RSBN1: variants seen among roughly 807,000 people sequenced by gnomAD.
The protein encoded by RSBN1 is lysine-specific demethylase 9.
RSBN1 carries 23 observed loss-of-function variants against 74.8 expected under a neutral mutation model. That is an observed-to-expected ratio of 0.31 (90% confidence interval 0.22 to 0.44). The LOEUF (loss-of-function observed/expected upper bound fraction) is 0.44, where lower values mean the gene tolerates loss of function less well. RSBN1 is among the 20% of genes least tolerant of loss of function. The probability of loss-of-function intolerance (pLI) is 1.00; values close to 1 mark genes in which losing one functional copy is unlikely to be tolerated. For synonymous variants in RSBN1, 407 were observed against 379.6 expected, an observed-to-expected ratio of 1.07 and a Z score of -0.84; for missense variants, 808 against 1,020.9, an observed-to-expected ratio of 0.79 and a Z score of 2.84.
intron 1 of RSBN1, among the ~76,000 whole-genome samples, chr1:113,803,988 G>A (rs1660643646): frequency 1.3e-5 from 2 of 150,552 alleles, no homozygotes; most frequent in African/African-American, 2.4e-5. Flanking sequence ...GTGCATGCCT[G>A]TAGTCCTAGC....
At chr1:113,781,275 G>A (rs907568208) in intron 2 of RSBN1, among the ~76,000 whole-genome samples, 5 of 152,142 alleles carry the variant, frequency 3.3e-5, no homozygotes, top group Non-Finnish European at 5.9e-5. Context: ...TGTAGTACCT[G>A]TCTCTATTGC....
At chr1:113,786,427 G>C (rs1328069497) in intron 2 of RSBN1, among the ~76,000 whole-genome samples, 3 of 152,170 alleles carry the variant, frequency 2.0e-5, no homozygotes, top group African/African-American at 7.2e-5. Flanking sequence ...CCTGAGATGG[G>C]GAGAGTCTCC....
chr1:113,793,120 T>C (rs1660399828), intron 2 of RSBN1, among the ~76,000 whole-genome samples: 1 of 152,364 alleles, frequency 6.6e-6, no homozygotes, highest in Non-Finnish European at 1.5e-5. Context: ...AGCTGAGTTC[T>C]AAAGCTTCTC....
chr1:113,798,507 G>C (rs532473094), intron 1 of RSBN1, among the ~76,000 whole-genome samples: 2 of 152,266 alleles, frequency 1.3e-5, no homozygotes, highest in African/African-American at 4.8e-5. Flanking sequence ...CAAAGGCAAA[G>C]TAAGCCATGA....
chr1:113,793,134 G>C (rs954673153), intron 2 of RSBN1, among the ~76,000 whole-genome samples: 12 of 152,172 alleles, frequency 7.9e-5, no homozygotes, highest in African/African-American at 2.9e-4. Flanking sequence ...GCTTCTCAAA[G>C]TTTAATGTGC....
At chr1:113,798,161 G>C in intron 1 of RSBN1, 125 bp from the exon 2 acceptor site, 1 of 775,268 alleles carries the variant, frequency 1.3e-6, no homozygotes, top group Non-Finnish European at 2.1e-6. Context: ...TACAACTTAC[G>C]TGTTTAGAAA....
In RSBN1 at chr1:113,767,207, C is replaced by G. The variant is rs1325707654; in HGVS notation, c.1827G>C (p.Trp609Cys). 1.3e-6 allele frequency: 2 copies of G among 1,564,262 alleles called. No individual in the cohort carries two copies. The highest frequency in any genetic ancestry group is 4.5e-5 in the East Asian group (2 of 44,180). ...CTTTGGTTATGCGAGGTTGGTCACT[C>G]CTAAGATTAACAAAATTAAGTTTCA... ...GVLKAVQFGE[W>C]SDQPRITKDV... The change falls in exon 6 of 7, where the codon TGG (tryptophan) becomes TGC (cysteine). Residue 609 changes from tryptophan (W) to cysteine (C), a missense_variant and splice_region_variant. Physicochemically the swap from Trp to Cys is radical, Grantham distance 215 (BLOSUM62 -2). This residue lies in a region of RSBN1 where 18 missense variants were observed against 16.2 expected (regional missense o/e 1.11). Transcript: ENST00000261441.
At chr1:113,787,708 C>T (rs1421722235) in intron 2 of RSBN1, among the ~76,000 whole-genome samples, 1 of 152,214 alleles carries the variant, frequency 6.6e-6, no homozygotes, top group African/African-American at 2.4e-5. Context: ...TTCTAGCAGA[C>T]AGGTGTGTAA....
intron 2 of RSBN1, among the ~76,000 whole-genome samples, chr1:113,797,128 T>C (rs1359179923): frequency 6.6e-6 from 1 of 152,188 alleles, no homozygotes; most frequent in Non-Finnish European, 1.5e-5. Context: ...TAGTTTTCCA[T>C]AAAGATTTGT....
chr1:113,807,497 C>T (rs1287961433), intron 1 of RSBN1, among the ~76,000 whole-genome samples: 3 of 151,254 alleles, frequency 2.0e-5, no homozygotes, highest in East Asian at 2.0e-4. Context: ...CAGTGGCTCA[C>T]GCCTGAAATC....
At chr1:113,780,713 T>C (rs957634020) in intron 2 of RSBN1, among the ~76,000 whole-genome samples, 1 of 152,224 alleles carries the variant, frequency 6.6e-6, no homozygotes, top group African/African-American at 2.4e-5. Context: ...GTTGTATCCA[T>C]GAGTGACAAA....
chr1:113,776,596 A>G (rs2101798009), intron 4 of RSBN1, among the ~76,000 whole-genome samples: 1 of 152,316 alleles, frequency 6.6e-6, no homozygotes, highest in South Asian at 2.1e-4. Flanking sequence ...ATTTGAGGCC[A>G]GGAGTTCAAA....
intron 4 of RSBN1, among the ~76,000 whole-genome samples, chr1:113,776,039 C>A (rs1473162618): frequency 6.6e-6 from 1 of 152,162 alleles, no homozygotes; most frequent in Admixed American, 6.5e-5. Context: ...AGGTATAGAT[C>A]ATTTTCAGTC....
At chr1:113,771,866 CTTT>C (rs969929034) in intron 4 of RSBN1, among the ~76,000 whole-genome samples, 18 of 141,890 alleles carry the variant, frequency 1.3e-4, no homozygotes, top group African/African-American at 4.6e-4. Flanking sequence ...AAACAGAACA[CTTT>C]TTTATGTTCC....
intron 1 of RSBN1, among the ~76,000 whole-genome samples, chr1:113,799,514 G>A (rs1330944192): frequency 2.0e-5 from 3 of 149,870 alleles, no homozygotes; most frequent in Non-Finnish European, 4.4e-5. Flanking sequence ...TTCCCAGAAA[G>A]AAGAAAAGGA....
intron 1 of RSBN1, among the ~76,000 whole-genome samples, chr1:113,798,333 A>T (rs942573660): frequency 1.3e-5 from 2 of 152,232 alleles, no homozygotes; most frequent in Non-Finnish European, 2.9e-5. Context: ...AAATCATGAT[A>T]TAGCAATGGT....
intron 1 of RSBN1, among the ~76,000 whole-genome samples, chr1:113,810,548 TA>T (rs1371199153): frequency 5.2e-4 from 79 of 152,242 alleles, no homozygotes; most frequent in African/African-American, 1.8e-3. Flanking sequence ...ACCAAATGAA[TA>T]AAAATTTAAT....
intron 1 of RSBN1, among the ~76,000 whole-genome samples, chr1:113,799,827 G>A (rs998190696): frequency 6.6e-6 from 1 of 152,046 alleles, no homozygotes. Context: ...TTACTAATTG[G>A]AAAATATACC....
intron 4 of RSBN1, among the ~76,000 whole-genome samples, chr1:113,774,494 G>A (rs531569922): frequency 2.0e-5 from 3 of 151,910 alleles, no homozygotes; most frequent in East Asian, 3.9e-4. Context: ...CTAACACGTT[G>A]AAACCCCATC....
Sources: gnomAD v4.1 joint callset for allele counts (sites outside exome capture counted in the v4.1 genomes callset) on GRCh38, gnomAD v4.1.1 for gene constraint, gnomAD v4.1.1 regional missense constraint, MANE v1.5 for transcripts, NCBI Gene and HGNC (gene_info 2026-07-23, HGNC 2026-07-21) for gene names.